Variants in TWSG1 observed in about 807,000 individuals in gnomAD.
The protein encoded by TWSG1 is twisted gastrulation protein homolog 1.
Under a neutral mutation model 23.0 loss-of-function variants are expected in TWSG1, and 15 were observed. That is an observed-to-expected ratio of 0.65 (90% CI 0.44 to 1.00). TWSG1 has a LOEUF of 1.00. Among genes scored for constraint, TWSG1 ranks in the 50% least tolerant of loss-of-function variants. The probability of loss-of-function intolerance (pLI) is 0.00; values close to 1 mark genes in which losing one functional copy is unlikely to be tolerated. For synonymous variants in TWSG1, 86 were observed against 92.8 expected, an observed-to-expected ratio of 0.93 and a Z score of 0.42; for missense variants, 242 against 278.7, an observed-to-expected ratio of 0.87 and a Z score of 0.94.
intron 2 of TWSG1, among the ~76,000 whole-genome samples, chr18:9,344,393 C>T (rs1157221678): frequency 6.6e-6 from 1 of 151,824 alleles, no homozygotes; most frequent in Non-Finnish European, 1.5e-5. Flanking sequence ...CAACACTTAT[C>T]TTTCCTTTTT....
intron 2 of TWSG1, among the ~76,000 whole-genome samples, chr18:9,352,053 C>T (rs1355327364): frequency 6.6e-6 from 1 of 152,194 alleles, no homozygotes; most frequent in Non-Finnish European, 1.5e-5. Context: ...CTAAAGCATT[C>T]CCTTGTGCCC....
intron 4 of TWSG1, among the ~76,000 whole-genome samples, chr18:9,399,098 C>T (rs2040750949): frequency 6.6e-6 from 1 of 152,050 alleles, no homozygotes; most frequent in African/African-American, 2.4e-5. Flanking sequence ...TCGATCAAAG[C>T]CTGAAATCTA....
chr18:9,360,562 C>T (rs1329560438), intron 3 of TWSG1, among the ~76,000 whole-genome samples: 1 of 152,108 alleles, frequency 6.6e-6, no homozygotes, highest in Non-Finnish European at 1.5e-5. Flanking sequence ...TTTTAAAACC[C>T]CAGTTCAAGT....
At chr18:9,389,308 T>C (rs2040700525) in intron 3 of TWSG1, among the ~76,000 whole-genome samples, 2 of 152,186 alleles carry the variant, frequency 1.3e-5, no homozygotes, top group African/African-American at 4.8e-5. Context: ...GGCAGAAGAC[T>C]ATATTATGTA....
At chr18:9,376,293 A>G (rs918712044) in intron 3 of TWSG1, among the ~76,000 whole-genome samples, 1 of 152,194 alleles carries the variant, frequency 6.6e-6, no homozygotes, top group African/African-American at 2.4e-5. Context: ...CTGATTCTAA[A>G]GTTTATATGG....
intron 3 of TWSG1, among the ~76,000 whole-genome samples, chr18:9,381,238 A>G (rs1262750713): frequency 6.6e-6 from 1 of 152,194 alleles, no homozygotes; most frequent in Non-Finnish European, 1.5e-5. Context: ...TGCCGTAGCG[A>G]TATAGCTACT....
chr18:9,396,717 C>A, intron 4 of TWSG1, 171 bp downstream of exon 4: 2 of 780,540 alleles, frequency 2.6e-6, no homozygotes, highest in South Asian at 2.0e-5. Flanking sequence ...TCTAGAGGCA[C>A]ATGCCAGAAG....
chr18:9,341,916 C>G (rs1201002285), intron 2 of TWSG1, among the ~76,000 whole-genome samples: 1 of 151,770 alleles, frequency 6.6e-6, no homozygotes. Context: ...CTTGGGAGAT[C>G]ATGTGAAGCT....
chr18:9,381,330 T>C (rs1249703909), intron 3 of TWSG1, among the ~76,000 whole-genome samples: 2 of 152,200 alleles, frequency 1.3e-5, no homozygotes, highest in East Asian at 1.9e-4. Flanking sequence ...CTCTATACTC[T>C]GAAAAATTCA....
chr18:9,381,788 C>T (rs188519361), intron 3 of TWSG1, among the ~76,000 whole-genome samples: 5 of 152,146 alleles, frequency 3.3e-5, no homozygotes, highest in African/African-American at 9.6e-5. Flanking sequence ...ATTTTTCAAC[C>T]TATTTTTGAA....
intron 3 of TWSG1, among the ~76,000 whole-genome samples, chr18:9,362,596 T>C (rs960777463): frequency 1.3e-5 from 2 of 152,204 alleles, no homozygotes; most frequent in African/African-American, 4.8e-5. Flanking sequence ...TGTGTATGTA[T>C]GTGTGTGAGA....
intron 2 of TWSG1, among the ~76,000 whole-genome samples, chr18:9,354,355 A>G (rs111581995): frequency 6.6e-6 from 1 of 152,176 alleles, no homozygotes; most frequent in African/African-American, 2.4e-5. Flanking sequence ...AAATAATTGG[A>G]AGCATTGAGT....
chr18:9,350,175 G>A (rs967007085), intron 2 of TWSG1, among the ~76,000 whole-genome samples: 2 of 151,134 alleles, frequency 1.3e-5, no homozygotes, highest in Non-Finnish European at 2.9e-5. Context: ...ACCTATTTTT[G>A]TCCTGTTTTG....
At chr18:9,387,770 C>CAAAAAAAAAAAAAAAAAAA (rs10616614) in intron 3 of TWSG1, among the ~76,000 whole-genome samples, 1 of 120,912 alleles carries the variant, frequency 8.3e-6, no homozygotes. Flanking sequence ...AACTCTGTCT[C>CAAAAAAAAAAAAAAAAAAA]AAAAAAAAAA....
chr18:9,336,832 A>T (rs188621903), intron 1 of TWSG1, among the ~76,000 whole-genome samples: 1 of 152,314 alleles, frequency 6.6e-6, no homozygotes, highest in African/African-American at 2.4e-5. Context: ...GATGGCTATG[A>T]AGCCATTATT....
intron 3 of TWSG1, among the ~76,000 whole-genome samples, chr18:9,365,101 A>T (rs1261978970): frequency 6.6e-6 from 1 of 152,144 alleles, no homozygotes; most frequent in Non-Finnish European, 1.5e-5. Context: ...AAGGAGGATC[A>T]CTTGAGCCCA....
intron 3 of TWSG1, among the ~76,000 whole-genome samples, chr18:9,392,014 T>C (rs1250178649): frequency 6.6e-6 from 1 of 152,234 alleles, no homozygotes; most frequent in Non-Finnish European, 1.5e-5. Flanking sequence ...TTGTTCCATT[T>C]CTAGGGTACA....
chr18:9,337,400 G>T (rs773892258), intron 2 of TWSG1, 48 bp downstream of exon 2: 3 of 1,590,152 alleles, frequency 1.9e-6, no homozygotes, highest in Admixed American at 3.3e-5. Flanking sequence ...TTGTAGAGCA[G>T]AAACATTATG....
chr18:9,351,842 C>T (rs900927280), intron 2 of TWSG1, among the ~76,000 whole-genome samples: 2 of 151,932 alleles, frequency 1.3e-5, no homozygotes, highest in South Asian at 2.1e-4. Flanking sequence ...GATGGGGTTT[C>T]GCTGTATTGG....
Sources: gnomAD v4.1 joint callset for allele counts (sites outside exome capture counted in the v4.1 genomes callset) on GRCh38, gnomAD v4.1.1 for gene constraint, MANE v1.5 for transcripts, NCBI Gene and HGNC (gene_info 2026-07-23, HGNC 2026-07-21) for gene names.